CORIN: variants seen among roughly 807,000 people sequenced by gnomAD.
CORIN encodes the protein atrial natriuretic peptide-converting enzyme.
Under a neutral mutation model 125.3 loss-of-function variants are expected in CORIN, and 117 were observed. The ratio of observed to expected loss-of-function variants is 0.93; its 90% CI spans 0.80 to 1.09. The LOEUF (loss-of-function observed/expected upper bound fraction) is 1.09. CORIN is among the 50% of genes least tolerant of loss of function. The probability of loss-of-function intolerance (pLI) is 0.00; values close to 1 mark genes in which losing one functional copy is unlikely to be tolerated. For synonymous variants in CORIN, 450 were observed against 466.4 expected (o/e 0.96, Z 0.45); for missense variants, 1,253 against 1,306.7 (o/e 0.96, Z 0.63).
At chr4:47,688,322 G>T (rs141349001) in intron 6 of CORIN, among the ~76,000 whole-genome samples, 102 of 152,268 alleles carry the variant, frequency 6.7e-4, no homozygotes, top group African/African-American at 2.3e-3. Context: ...TATTTAGGCT[G>T]GGCACAGTGG....
intron 11 of CORIN, among the ~76,000 whole-genome samples, chr4:47,662,827 T>G (rs573385416): frequency 6.6e-6 from 1 of 152,252 alleles, no homozygotes; most frequent in Non-Finnish European, 1.5e-5. Context: ...AACAATCAAA[T>G]GAGGAAATTT....
chr4:47,626,633 C>A, intron 16 of CORIN, 112 bp from the exon 17 acceptor site: 1 of 760,130 alleles, frequency 1.3e-6, no homozygotes. Flanking sequence ...ATCATGTCAA[C>A]ATTTCAAGAG....
intron 4 of CORIN, among the ~76,000 whole-genome samples, chr4:47,758,213 T>C (rs1193279436): frequency 6.6e-6 from 1 of 151,782 alleles, no homozygotes; most frequent in East Asian, 1.9e-4. Context: ...ACGCCCAGCC[T>C]GAAAAATATA....
At chr4:47,728,834 G>C (rs186526661) in intron 5 of CORIN, among the ~76,000 whole-genome samples, 1 of 152,298 alleles carries the variant, frequency 6.6e-6, no homozygotes, top group East Asian at 1.9e-4. Context: ...ATCAACCTAT[G>C]ATCTTGAGCT....
intron 3 of CORIN, among the ~76,000 whole-genome samples, chr4:47,767,751 C>A (rs1270097720): frequency 6.6e-6 from 1 of 152,102 alleles, no homozygotes; most frequent in African/African-American, 2.4e-5. Context: ...ACCTTACAAT[C>A]GACACCACAT....
At chr4:47,659,139 T>C (rs1003779263) in intron 12 of CORIN, among the ~76,000 whole-genome samples, 14 of 152,206 alleles carry the variant, frequency 9.2e-5, no homozygotes, top group African/African-American at 3.1e-4. Flanking sequence ...CCATCTGAGA[T>C]CTCATCAGCC....
intron 1 of CORIN, among the ~76,000 whole-genome samples, chr4:47,807,933 C>A (rs1301715003): frequency 1.3e-5 from 2 of 152,202 alleles, no homozygotes; most frequent in Non-Finnish European, 2.9e-5. Flanking sequence ...GGACTTCTGA[C>A]TGCATTTTCT....
At chr4:47,614,931 T>TA (rs1424283014) in intron 19 of CORIN, among the ~76,000 whole-genome samples, 8 of 152,082 alleles carry the variant, frequency 5.3e-5, no homozygotes, top group South Asian at 2.1e-4. Flanking sequence ...CACTTAGAAG[T>TA]AAAAAAATAT....
intron 3 of CORIN, among the ~76,000 whole-genome samples, chr4:47,773,919 A>G (rs1414315580): frequency 6.6e-6 from 1 of 151,798 alleles, no homozygotes; most frequent in East Asian, 1.9e-4. Flanking sequence ...TATATTTATT[A>G]TATACCTTTT....
At chr4:47,658,797 G>A (rs1257766588) in intron 12 of CORIN, among the ~76,000 whole-genome samples, 3 of 152,246 alleles carry the variant, frequency 2.0e-5, no homozygotes, top group African/African-American at 7.2e-5. Flanking sequence ...CAGCCTGCTT[G>A]AATTCCTCTA....
Position 47,653,590 on chromosome 4 carries a change from C to A in CORIN, c.1806G>T (p.Gln602His). 6.2e-7 allele frequency: 1 copy of A among 1,614,134 alleles called. No homozygotes were observed. The highest frequency in any genetic ancestry group is 8.5e-7 in the Non-Finnish European group (1 of 1,179,980). ...CATCACTGTCATCGTCACAGTCGGCCTGGCCATCACATCTTCTGGAAGCCA... is the reference window on the plus strand; with the variant it reads ...CATCACTGTCATCGTCACAGTCGGCATGGCCATCACATCTTCTGGAAGCCA... Reference protein sequence around the residue: ...CVLASRRCDGQADCDDDSDEE... With the variant: ...CVLASRRCDGHADCDDDSDEE... Residue 602 changes from glutamine to histidine, a missense_variant, in exon 13 of 22, where the codon CAG becomes CAT. Physicochemically the swap from Gln to His is conservative, Grantham distance 24. Coordinates refer to ENST00000273857, the MANE Select transcript of CORIN (RefSeq NM_006587.4).
At position 47,632,719 on chromosome 4, in the gene CORIN, A is replaced by AATAGATG. The variant is rs1043657315; in HGVS notation, c.2199-6205_2199-6199dup. The stretch of plus-strand genomic sequence containing the variant: ...ACTTTTTATTGCAATCCTAACTGAC[A>AATAGATG]ATAGATGATAGATAGATAGATAGAT... On this transcript the variant is annotated intron_variant, in intron 16 of 21. Transcript: ENST00000273857. Among the ~76,000 whole-genome samples, 22 of 120,964 alleles carry AATAGATG rather than the reference A, an allele frequency of 1.8e-4. 1 individual carries two copies. Among genetic ancestry groups the AATAGATG allele is most frequent in the East Asian group, 6.3e-4 (3 of 4,798 alleles). 79.4% of individuals were successfully genotyped at this position (120,964 alleles called of 152,430 possible).
intron 2 of CORIN, among the ~76,000 whole-genome samples, chr4:47,802,649 A>C (rs1731596380): frequency 6.6e-6 from 1 of 152,244 alleles, no homozygotes; most frequent in South Asian, 2.1e-4. Flanking sequence ...CGTGGCTCCA[A>C]GACAGCATCT....
At chr4:47,811,706 A>C (rs1462498823) in intron 1 of CORIN, among the ~76,000 whole-genome samples, 2 of 152,186 alleles carry the variant, frequency 1.3e-5, no homozygotes, top group Non-Finnish European at 2.9e-5. Context: ...TTTGGGATAA[A>C]TTTTACATCT....
intron 5 of CORIN, among the ~76,000 whole-genome samples, chr4:47,739,273 G>C (rs1365099347): frequency 2.6e-5 from 4 of 152,004 alleles, no homozygotes; most frequent in African/African-American, 7.2e-5. Flanking sequence ...TCAAAAATCA[G>C]ACACAGAAAA....
At chr4:47,700,546 A>G (rs898069182) in intron 5 of CORIN, among the ~76,000 whole-genome samples, 3 of 152,190 alleles carry the variant, frequency 2.0e-5, no homozygotes, top group African/African-American at 7.2e-5. Flanking sequence ...GCTTACATGG[A>G]ACCTGGAAGA....
chr4:47,705,060 C>A (rs781600522), intron 5 of CORIN, among the ~76,000 whole-genome samples: 1 of 152,218 alleles, frequency 6.6e-6, no homozygotes, highest in African/African-American at 2.4e-5. Flanking sequence ...CTGAGTAAAT[C>A]TGAAATAATG....
In CORIN at chr4:47,623,608, T is replaced by C. The variant is rs770199212; in HGVS notation, c.2503A>G (p.Lys835Glu). Reference protein sequence around the residue: ...GHICGCVLIAKKWVLTVAHCF... With the variant: ...GHICGCVLIAEKWVLTVAHCF... Reference sequence around the variant, plus strand: ...TGGGCAACTGTCAGAACCCACTTCTTGGCAATGAGGACACAGCCACAGATA... The same window carrying C: ...TGGGCAACTGTCAGAACCCACTTCTCGGCAATGAGGACACAGCCACAGATA... The change falls in exon 19 of 22, where the codon AAG becomes GAG. Residue 835 changes from lysine to glutamate, a missense_variant. Lys to Glu is a moderately conservative substitution (Grantham distance 56, BLOSUM62 1). Coordinates refer to ENST00000273857, the MANE Select transcript of CORIN (RefSeq NM_006587.4). The C allele has an allele frequency of 1.2e-6, 2 of 1,614,192 alleles. No homozygotes were observed. Among genetic ancestry groups the C allele is most frequent in the Non-Finnish European group, 1.7e-6 (2 of 1,180,022 alleles).
intron 1 of CORIN, among the ~76,000 whole-genome samples, chr4:47,830,032 T>C (rs1732911636): frequency 6.6e-6 from 1 of 152,132 alleles, no homozygotes; most frequent in East Asian, 1.9e-4. Flanking sequence ...GACAGAGAAA[T>C]AGTAAATAAA....
Sources: allele counts gnomAD v4.1 joint callset (sites outside exome capture counted in the v4.1 genomes callset), GRCh38; gene constraint gnomAD v4.1.1; transcripts MANE v1.5; gene names NCBI Gene and HGNC (gene_info 2026-07-23, HGNC 2026-07-21).